PCDHA12: variants seen among roughly 807,000 people sequenced by gnomAD.
The protein encoded by PCDHA12 is protocadherin alpha-12.
A neutral mutation model predicts 60.0 loss-of-function variants in PCDHA12; 44 were observed. That is an observed-to-expected ratio of 0.73 (90% CI 0.58 to 0.94). PCDHA12 has a LOEUF of 0.94. PCDHA12 is among the 40% of genes least tolerant of loss of function. The probability of loss-of-function intolerance (pLI) is 0.00; values close to 1 mark genes in which losing one functional copy is unlikely to be tolerated. For synonymous variants in PCDHA12, 569 were observed against 553.0 expected (o/e 1.03, Z -0.40); for missense variants, 1,276 against 1,239.7 (o/e 1.03, Z -0.44).
At chr5:140,911,338 A>G (rs1562979911) in intron 1 of PCDHA12, among the ~76,000 whole-genome samples, 1 of 152,040 alleles carries the variant, frequency 6.6e-6, no homozygotes, top group African/African-American at 2.4e-5. Context: ...TTTTCCAATC[A>G]ATGCCCTCAT....
At chr5:140,955,648 A>G (rs1554222007) in intron 1 of PCDHA12, among the ~76,000 whole-genome samples, 1 of 152,138 alleles carries the variant, frequency 6.6e-6, no homozygotes, top group East Asian at 1.9e-4. Flanking sequence ...ACAAATTAAT[A>G]CACATATGAA....
chr5:140,883,032 C>T, intron 1 of PCDHA12: 1 of 1,614,064 alleles, frequency 6.2e-7, no homozygotes. Context: ...TTAGAGAACG[C>T]CTTCAATGGA....
At position 141,009,772 on chromosome 5, in the gene PCDHA12, C is replaced by G. The variant is rs782009776; in HGVS notation, c.2661C>G (p.Ile887Met). Residue 887 changes from isoleucine (I) to methionine (M), a missense_variant, in exon 4 of 4, where the codon ATC becomes ATG. By Grantham distance (10) the Ile-to-Met change is conservative (BLOSUM62 1). Transcript: ENST00000398631. ...TCATTATCCCAGGATCTCCTGCAAT[C>G]ATCTCCATCCGGCAGGAGCCTACTA... ...DKFIIPGSPA[I>M]ISIRQEPTNS... 4 of 1,614,158 alleles carry G rather than the reference C, an allele frequency of 2.5e-6. No individual in the cohort carries two copies. The East Asian group carries it at 8.9e-5, about 36-fold the overall frequency.
intron 1 of PCDHA12, chr5:140,967,711 G>C (rs557842321): frequency 6.2e-7 from 1 of 1,614,168 alleles, no homozygotes; most frequent in East Asian, 2.2e-5. Context: ...CCAGTACCGG[G>C]GAAGTGCGAG....
At chr5:140,902,647 G>T (rs1286700570) in intron 1 of PCDHA12, among the ~76,000 whole-genome samples, 3 of 150,932 alleles carry the variant, frequency 2.0e-5, no homozygotes, top group African/African-American at 7.3e-5. Context: ...CTGAGATTTT[G>T]GTGCACCTGT....
chr5:140,879,926 A>G (rs1214178444), intron 1 of PCDHA12, among the ~76,000 whole-genome samples: 7 of 152,170 alleles, frequency 4.6e-5, no homozygotes, highest in African/African-American at 1.4e-4. Flanking sequence ...TTACAAAGGT[A>G]CATGTGATTG....
At chr5:140,978,769 T>C in intron 1 of PCDHA12, 180 bp from the exon 2 acceptor site, 1 of 957,338 alleles carries the variant, frequency 1.0e-6, no homozygotes, top group Non-Finnish European at 1.2e-6. Flanking sequence ...CCTGATGAAC[T>C]AATTTTCTTC....
chr5:140,916,143 T>C (rs1237563249), intron 1 of PCDHA12, among the ~76,000 whole-genome samples: 3 of 152,012 alleles, frequency 2.0e-5, no homozygotes, highest in African/African-American at 7.2e-5. Flanking sequence ...GCTGTTCAGT[T>C]GTGTTGTGGT....
intron 1 of PCDHA12, among the ~76,000 whole-genome samples, chr5:140,917,163 G>A (rs948639951): frequency 6.6e-6 from 1 of 152,182 alleles, no homozygotes; most frequent in Admixed American, 6.5e-5. Flanking sequence ...ATATGGGAGG[G>A]GTGATGGTGG....
chr5:140,970,019 A>G (rs1385793747), intron 1 of PCDHA12, among the ~76,000 whole-genome samples: 2 of 152,212 alleles, frequency 1.3e-5, no homozygotes, highest in Non-Finnish European at 2.9e-5. Context: ...ATGGTGAGGC[A>G]GAGAGATTAA....
At chr5:140,980,553 C>G (rs1554241953) in intron 2 of PCDHA12, among the ~76,000 whole-genome samples, 1 of 152,062 alleles carries the variant, frequency 6.6e-6, no homozygotes, top group Admixed American at 6.6e-5. Context: ...TCGCTTGAAC[C>G]CGGGAGGCGG....
chr5:140,989,534 A>G (rs1201139003), intron 3 of PCDHA12, among the ~76,000 whole-genome samples: 1 of 152,184 alleles, frequency 6.6e-6, no homozygotes, highest in African/African-American at 2.4e-5. Flanking sequence ...GGAGGAAGAT[A>G]GTTTGTAATT....
chr5:140,924,472 GT>G (rs1436957745), intron 1 of PCDHA12, among the ~76,000 whole-genome samples: 2 of 152,188 alleles, frequency 1.3e-5, no homozygotes, highest in African/African-American at 4.8e-5. Context: ...GAGGTAACTG[GT>G]TTTTAGTGGA....
chr5:140,985,830 C>T (rs1446445717), intron 3 of PCDHA12, among the ~76,000 whole-genome samples: 2 of 149,758 alleles, frequency 1.3e-5, no homozygotes, highest in Non-Finnish European at 3.0e-5. Flanking sequence ...AGCTCTGCCT[C>T]CCGGGTTCAT....
At chr5:140,882,127 C>G in intron 1 of PCDHA12, 2 of 1,464,686 alleles carry the variant, frequency 1.4e-6, no homozygotes. Flanking sequence ...TTTCTTTCTT[C>G]CTGCAGAAAA....
chr5:140,933,666 T>C (rs1334972770), intron 1 of PCDHA12, among the ~76,000 whole-genome samples: 3 of 152,046 alleles, frequency 2.0e-5, no homozygotes, highest in Non-Finnish European at 4.4e-5. Context: ...TCTCTCTCTG[T>C]CTCTCTCACA....
At chr5:140,911,822 C>A (rs2075653935) in intron 1 of PCDHA12, among the ~76,000 whole-genome samples, 1 of 152,104 alleles carries the variant, frequency 6.6e-6, no homozygotes. Context: ...CTCCAGAAAC[C>A]CCAAAACCAA....
rs576802253 is a variant in PCDHA12 at position 140,888,837 on chromosome 5, C to T, written c.2367+10998C>T. ...GATCTGTGATCACATCACTCCACTG[C>T]AGCCTGGTGACAGAGTGAGACCATG... is the stretch of plus-strand genomic sequence containing the variant. On this transcript the variant is annotated intron_variant, in intron 1 of 3. Coordinates refer to ENST00000398631, the MANE Select transcript of PCDHA12 (RefSeq NM_018903.4). Among the ~76,000 whole-genome samples, 5 of 152,130 alleles carry T rather than the reference C, an allele frequency of 3.3e-5. No individual in the cohort carries two copies. In the South Asian group the frequency reaches 1.0e-3, roughly 32 times the overall value.
chr5:140,951,793 C>G (rs536005204), intron 1 of PCDHA12, among the ~76,000 whole-genome samples: 1 of 152,126 alleles, frequency 6.6e-6, no homozygotes, highest in African/African-American at 2.4e-5. Flanking sequence ...ATACAATTAT[C>G]CCTTCCCAAT....
Sources: allele counts gnomAD v4.1 joint callset (sites outside exome capture counted in the v4.1 genomes callset), GRCh38; gene constraint gnomAD v4.1.1; transcripts MANE v1.5; gene names NCBI Gene and HGNC (gene_info 2026-07-23, HGNC 2026-07-21).